ETV5: variants seen among roughly 807,000 people sequenced by gnomAD.
ETV5 encodes ETS variant transcription factor 5.
Under a neutral mutation model 70.0 loss-of-function variants are expected in ETV5, and 10 were observed. The observed-to-expected ratio is 0.14, with a 90% CI of 0.09 to 0.24. ETV5 has a LOEUF of 0.24. Among genes scored for constraint, ETV5 ranks in the 10% least tolerant of loss-of-function variants. The probability of loss-of-function intolerance (pLI) is 1.00; values close to 1 mark genes in which losing one functional copy is unlikely to be tolerated. For synonymous variants in ETV5, 216 were observed against 242.2 expected (o/e 0.89, Z 1.01); for missense variants, 453 against 651.2 (o/e 0.70, Z 3.31).
intron 5 of ETV5, among the ~76,000 whole-genome samples, chr3:186,091,755 T>G (rs1296075693): frequency 6.6e-6 from 1 of 152,238 alleles, no homozygotes; most frequent in Admixed American, 6.5e-5. Flanking sequence ...TATCATGACA[T>G]GGACTATGGG....
intron 5 of ETV5, among the ~76,000 whole-genome samples, chr3:186,101,461 A>AT (rs63111860): frequency 0.17 from 25,909 of 151,994 alleles, 2,952 homozygotes; most frequent in Non-Finnish European, 0.25. Flanking sequence ...GTTTTTTATA[A>AT]TTTTTTTCTT....
intron 5 of ETV5, among the ~76,000 whole-genome samples, chr3:186,094,263 C>T (rs1450030617): frequency 2.0e-5 from 3 of 152,194 alleles, no homozygotes; most frequent in African/African-American, 4.8e-5. Flanking sequence ...GTGTAAAGTA[C>T]TAAATCAGCA....
At chr3:186,063,232 T>A (rs1339382477) in intron 9 of ETV5, among the ~76,000 whole-genome samples, 2 of 152,170 alleles carry the variant, frequency 1.3e-5, no homozygotes, top group Non-Finnish European at 2.9e-5. Context: ...ATCATGCCAC[T>A]GCACTCCAGC....
chr3:186,048,956 C>A (rs1578533518), intron 12 of ETV5, 96 bp from the exon 13 acceptor site: 1 of 1,007,730 alleles, frequency 9.9e-7, no homozygotes, highest in Non-Finnish European at 1.5e-6. Context: ...AGCCAGGGAC[C>A]AAAGGAGCAG....
intron 5 of ETV5, among the ~76,000 whole-genome samples, chr3:186,088,610 G>A (rs886638972): frequency 1.3e-5 from 2 of 152,216 alleles, no homozygotes; most frequent in Non-Finnish European, 2.9e-5. Context: ...GTGGTTGTGG[G>A]AGTGAGTAGA....
At chr3:186,087,100 G>A (rs991729915) in intron 5 of ETV5, among the ~76,000 whole-genome samples, 3 of 152,122 alleles carry the variant, frequency 2.0e-5, no homozygotes, top group Non-Finnish European at 2.9e-5. Flanking sequence ...TAAAGATATC[G>A]ATTCTTCCCA....
intron 7 of ETV5, among the ~76,000 whole-genome samples, chr3:186,078,789 A>G (rs1713859313): frequency 6.6e-6 from 1 of 152,160 alleles, no homozygotes; most frequent in Non-Finnish European, 1.5e-5. Flanking sequence ...GCAACCAGCC[A>G]TATTTTGCCG....
rs917985342 is a variant in ETV5, at chr3:186,105,248, A to T, written c.232+57T>A. ...TGAAAAAAGCATATTCTAGACATGG[A>T]TGATCTAAGACCAAACAATTTCAGA... On this transcript the variant is annotated intron_variant, in intron 5 of 12. Transcript: ENST00000306376. The surrounding 1 kb of genome is among the most constrained non-coding windows in gnomAD (Gnocchi z 4.5). 2 of 1,463,832 alleles carry T rather than the reference A, an allele frequency of 1.4e-6. No homozygotes were observed. The highest frequency in any genetic ancestry group is 1.9e-6 in the Non-Finnish European group (2 of 1,059,756). 90.7% of individuals were successfully genotyped at this position (1,463,832 alleles called of 1,614,324 possible).
At chr3:186,053,513 T>C (rs1262511238) in intron 11 of ETV5, among the ~76,000 whole-genome samples, 1 of 152,232 alleles carries the variant, frequency 6.6e-6, no homozygotes, top group East Asian at 1.9e-4. Flanking sequence ...AAGCAACATC[T>C]TCTAAATTCA....
intron 9 of ETV5, among the ~76,000 whole-genome samples, chr3:186,058,326 A>G (rs1188507777): frequency 6.6e-6 from 1 of 152,222 alleles, no homozygotes; most frequent in Non-Finnish European, 1.5e-5. Context: ...GATAACTTGG[A>G]TGGGGTCACA....
rs981948732 is a variant in ETV5 at position 186,048,540 on chromosome 3, G to GC, written c.*98dup. The GC allele has an allele frequency of 1.2e-5, 13 of 1,118,110 alleles. No homozygotes were observed. The African/African-American group carries it at 1.8e-4, about 16-fold the overall frequency. The allele number at this position is 1,118,110 out of a possible 1,614,324, so 69.3% of individuals were successfully genotyped here. On this transcript the variant is annotated 3_prime_UTR_variant, in exon 13 of 13. Coordinates refer to ENST00000306376, the MANE Select transcript of ETV5 (RefSeq NM_004454.3). ...TCTCCAGATAATACTCAAAGGGCAA[G>GC]CTTTAGGAACAACCAAAAACACAAA...
intron 9 of ETV5, among the ~76,000 whole-genome samples, chr3:186,059,478 C>T (rs961700766): frequency 2.6e-5 from 4 of 152,070 alleles, no homozygotes; most frequent in East Asian, 1.9e-4. Flanking sequence ...GTCAGCTGTG[C>T]GATCTTGAAT....
At chr3:186,079,569 C>T (rs188282510) in intron 7 of ETV5, among the ~76,000 whole-genome samples, 8 of 152,224 alleles carry the variant, frequency 5.3e-5, no homozygotes, top group Admixed American at 1.3e-4. Flanking sequence ...CGGGAGAATA[C>T]CAGTTACCTC....
In ETV5 at chr3:186,054,074, C is replaced by T. The variant is rs1208160022; in HGVS notation, c.1210-1943G>A. 6.6e-6 allele frequency among the ~76,000 whole-genome samples: 1 copy of T among 152,218 alleles called. No individual in the cohort carries two copies. Among genetic ancestry groups the T allele is most frequent in the African/African-American group, 2.4e-5 (1 of 41,458 alleles). On this transcript the variant is annotated intron_variant, in intron 11 of 12. Transcript: ENST00000306376. The surrounding 1 kb of genome is among the most constrained non-coding windows in gnomAD (Gnocchi z 4.4). ...AAAGGTTTGGTATACGCACAGATTT[C>T]AAAGCAGCTCTGGTAGCCATAGTTA...
At position 186,079,201 on chromosome 3, in the gene ETV5, GA is replaced by G. The variant is rs925733630; in HGVS notation, c.650+615del. ...AGAGGTCAGGTTTGGAGTGTGCAGA[GA>G]AGGTTCCCTTCACACACTTTTTTGA... On this transcript the variant is annotated intron_variant, in intron 7 of 12. Coordinates refer to ENST00000306376, the MANE Select transcript of ETV5 (RefSeq NM_004454.3). 73 of 581,026 alleles carry G rather than the reference GA, an allele frequency of 1.3e-4. No homozygotes were observed. In the South Asian group the frequency reaches 1.4e-3, roughly 11 times the overall value. The allele number at this position is 581,026 out of a possible 1,614,324, so 36.0% of individuals were successfully genotyped here.
At chr3:186,108,104 T>G (rs1356539337) in intron 1 of ETV5, among the ~76,000 whole-genome samples, 1 of 151,074 alleles carries the variant, frequency 6.6e-6, no homozygotes, top group Non-Finnish European at 1.5e-5. Context: ...CGCCCGGCGC[T>G]ACCAACCGCT....
At position 186,080,049 on chromosome 3, in the gene ETV5, G is replaced by T; in HGVS notation, c.418C>A (p.Pro140Thr). ...GGATTCTGATGGGTGGGTGAGAGGG[G>T]GGTTGTAGGAGGGGTTAATGGCTTG... is the stretch of plus-strand genomic sequence containing the variant. The part of the protein sequence containing the change: ...GFKPLTPPTT[P>T]LSPTHQNPLF... The change falls in exon 7 of 13, where the codon CCC becomes ACC. Residue 140 changes from proline (P) to threonine (T), a missense_variant. Pro to Thr is a conservative substitution (Grantham distance 38). Around this residue, in one of 4 missense-constraint regions of ETV5, gnomAD observed 307 missense variants for 344.9 expected, o/e 0.89. Transcript: ENST00000306376. The T allele has an allele frequency of 6.5e-7, 1 of 1,532,308 alleles. No individual in the cohort carries two copies. Among genetic ancestry groups the T allele is most frequent in the Non-Finnish European group, 8.7e-7 (1 of 1,148,940 alleles). 94.9% of individuals were successfully genotyped at this position (1,532,308 alleles called of 1,614,324 possible).
At chr3:186,096,362 A>G (rs907305317) in intron 5 of ETV5, among the ~76,000 whole-genome samples, 4 of 152,100 alleles carry the variant, frequency 2.6e-5, no homozygotes, top group African/African-American at 9.7e-5. Flanking sequence ...TACCTTTTCT[A>G]TGGGAAAAGT....
At chr3:186,090,779 C>T (rs1193579921) in intron 5 of ETV5, among the ~76,000 whole-genome samples, 1 of 152,160 alleles carries the variant, frequency 6.6e-6, no homozygotes, top group Non-Finnish European at 1.5e-5. Context: ...CTTGGGTTAG[C>T]CCTTTTTACC....
Sources: gnomAD v4.1 joint callset for allele counts (sites outside exome capture counted in the v4.1 genomes callset) on GRCh38, gnomAD v4.1.1 for gene constraint, gnomAD v4.1.1 regional missense constraint, Gnocchi (gnomAD v3.1) non-coding constraint, MANE v1.5 for transcripts, NCBI Gene and HGNC (gene_info 2026-07-23, HGNC 2026-07-21) for gene names.